Variants in SHANK2 observed in about 807,000 individuals in gnomAD.
SHANK2 encodes the protein SH3 and multiple ankyrin repeat domains protein 2.
A neutral mutation model predicts 133.7 loss-of-function variants in SHANK2; 43 were observed. That is an observed-to-expected ratio of 0.32 (90% CI 0.25 to 0.41). The LOEUF (loss-of-function observed/expected upper bound fraction) is 0.41, where lower values mean the gene tolerates loss of function less well. Among genes scored for constraint, SHANK2 ranks in the 10% least tolerant of loss-of-function variants. SHANK2 has a pLI of 1.00. For synonymous variants in SHANK2, 1,017 were observed against 952.8 expected, an observed-to-expected ratio of 1.07 and a Z score of -1.24; for missense variants, 1,994 against 2,235.8, an observed-to-expected ratio of 0.89 and a Z score of 2.18.
intron 10 of SHANK2, among the ~76,000 whole-genome samples, chr11:70,947,202 A>C (rs573268905): frequency 6.6e-6 from 1 of 150,846 alleles, no homozygotes; most frequent in Admixed American, 6.6e-5. Context: ...TGACGTTTCA[A>C]GGTTAGAAAA....
At chr11:71,109,372 G>A (rs1446721863) in intron 6 of SHANK2, among the ~76,000 whole-genome samples, 1 of 152,194 alleles carries the variant, frequency 6.6e-6, no homozygotes, top group Non-Finnish European at 1.5e-5. Flanking sequence ...ATGCTGAGTG[G>A]AGGCGGGTAC....
intron 1 of SHANK2, among the ~76,000 whole-genome samples, chr11:71,241,617 A>C (rs868988190): frequency 2.0e-5 from 3 of 152,130 alleles, no homozygotes; most frequent in African/African-American, 2.4e-5. Flanking sequence ...TTTTCTTGGG[A>C]TCCAGCTCTA....
intron 11 of SHANK2, among the ~76,000 whole-genome samples, chr11:70,887,956 G>A (rs472675): frequency 0.91 from 139,191 of 152,242 alleles, 64,350 homozygotes; most frequent in Non-Finnish European, 0.98. Flanking sequence ...AACAGCCTCA[G>A]GCTTAAGGGA....
intron 15 of SHANK2, among the ~76,000 whole-genome samples, chr11:70,671,113 C>T (rs782429894): frequency 3.4e-4 from 52 of 152,214 alleles, no homozygotes; most frequent in Non-Finnish European, 6.2e-4. Context: ...ATTAAATTGT[C>T]TCATTACTTT....
At chr11:70,928,031 T>C (rs1340207463) in intron 10 of SHANK2, among the ~76,000 whole-genome samples, 1 of 152,194 alleles carries the variant, frequency 6.6e-6, no homozygotes, top group Non-Finnish European at 1.5e-5. Context: ...CAATTCCTTA[T>C]AATAAATCTC....
chr11:70,525,044 C>T (rs2059378507), intron 17 of SHANK2, among the ~76,000 whole-genome samples: 1 of 152,256 alleles, frequency 6.6e-6, no homozygotes, highest in African/African-American at 2.4e-5. Context: ...TGTGCAGGTC[C>T]CAGCTGCAGC....
intron 2 of SHANK2, among the ~76,000 whole-genome samples, chr11:71,214,070 T>G (rs1298856625): frequency 6.6e-6 from 1 of 152,068 alleles, no homozygotes; most frequent in African/African-American, 2.4e-5. Flanking sequence ...CCTGCTGCAG[T>G]GACTCACCTG....
intron 17 of SHANK2, among the ~76,000 whole-genome samples, chr11:70,596,534 A>G (rs1412188338): frequency 6.6e-6 from 1 of 152,218 alleles, no homozygotes; most frequent in Non-Finnish European, 1.5e-5. Flanking sequence ...TGCTATGCCA[A>G]GAGGACTGCA....
intron 17 of SHANK2, among the ~76,000 whole-genome samples, chr11:70,573,040 G>A (rs1554983420): frequency 1.3e-5 from 2 of 152,096 alleles, no homozygotes; most frequent in African/African-American, 2.4e-5. Context: ...CCATCGACAT[G>A]ATGACGGCCC....
chr11:70,892,652 A>G (rs548005377), intron 11 of SHANK2, among the ~76,000 whole-genome samples: 6 of 152,272 alleles, frequency 3.9e-5, no homozygotes, highest in African/African-American at 1.4e-4. Flanking sequence ...GCTCTGGAAA[A>G]GTCCTGAATT....
At chr11:71,246,448 C>T (rs1419666992) in intron 1 of SHANK2, among the ~76,000 whole-genome samples, 1 of 152,156 alleles carries the variant, frequency 6.6e-6, no homozygotes, top group Non-Finnish European at 1.5e-5. Context: ...AGAGCACACA[C>T]CTGGCATCAC....
rs1482623461 is a variant in SHANK2 at position 70,698,613 on chromosome 11, A to T, written c.1853+75T>A. ...GAGGGGCCTGAAAGCTGCATGCAAG[A>T]TGGTCCAAAGCATTTGCAGCACAGA... is the stretch of plus-strand genomic sequence containing the variant. On this transcript the variant is annotated intron_variant, in intron 15 of 25. Coordinates refer to ENST00000601538, the MANE Select transcript of SHANK2 (RefSeq NM_012309.5). The T allele has an allele frequency of 1.1e-5, 8 of 717,060 alleles. No individual in the cohort carries two copies. In the African/African-American group the frequency reaches 1.2e-4, roughly 11 times the overall value. The allele number at this position is 717,060 out of a possible 1,614,324, so 44.4% of individuals were successfully genotyped here.
intron 13 of SHANK2, among the ~76,000 whole-genome samples, chr11:70,798,963 G>A (rs970116134): frequency 3.9e-5 from 6 of 152,152 alleles, no homozygotes; most frequent in South Asian, 2.1e-4. Context: ...GGGGGGCACC[G>A]CCACAAAGCA....
At chr11:71,058,942 C>T (rs991642773) in intron 9 of SHANK2, among the ~76,000 whole-genome samples, 113 of 152,316 alleles carry the variant, frequency 7.4e-4, no homozygotes, top group Middle Eastern at 3.4e-3. Flanking sequence ...TGGTTGGGCG[C>T]GGTGGCTCAC....
At chr11:71,201,557 G>T (rs1195245600) in intron 2 of SHANK2, among the ~76,000 whole-genome samples, 1 of 152,210 alleles carries the variant, frequency 6.6e-6, no homozygotes, top group African/African-American at 2.4e-5. Flanking sequence ...GTGAGTGAGG[G>T]TCCCTATGAG....
rs543907889 is a variant in SHANK2 at position 70,470,052 on chromosome 11, A to G, written c.*2817T>C. 8.5e-5 allele frequency: 13 copies of G among 152,730 alleles called. No individual in the cohort carries two copies. The highest frequency in any genetic ancestry group is 3.1e-4 in the African/African-American group (13 of 41,568). 9.5% of individuals were successfully genotyped at this position (152,730 alleles called of 1,614,324 possible). On this transcript the variant is annotated 3_prime_UTR_variant, in exon 26 of 26. Transcript: ENST00000601538. ...ATGATCTTTAGATGAGCAGTTTAAC[A>G]TTTGTTCCACCATTAAAGAGGGGCA...
At chr11:70,662,084 T>C (rs1944562559) in intron 15 of SHANK2, 2 of 470,114 alleles carry the variant, frequency 4.3e-6, no homozygotes, top group Non-Finnish European at 7.9e-6. Context: ...GCGTCGGGAA[T>C]GAGCTCCTCC....
chr11:71,203,117 G>T (rs1161737108), intron 2 of SHANK2, among the ~76,000 whole-genome samples: 1 of 152,198 alleles, frequency 6.6e-6, no homozygotes, highest in Non-Finnish European at 1.5e-5. Flanking sequence ...GCAAGGGTGG[G>T]TCAGCTTTTG....
intron 15 of SHANK2, among the ~76,000 whole-genome samples, chr11:70,695,800 A>G (rs1351242238): frequency 6.6e-6 from 1 of 152,214 alleles, no homozygotes; most frequent in Non-Finnish European, 1.5e-5. Context: ...GGAGGAGTGG[A>G]TAAGCAGGGC....
Sources: gnomAD v4.1 joint callset for allele counts (sites outside exome capture counted in the v4.1 genomes callset) on GRCh38, gnomAD v4.1.1 for gene constraint, MANE v1.5 for transcripts, NCBI Gene and HGNC (gene_info 2026-07-23, HGNC 2026-07-21) for gene names.